SRPK2: variants seen among roughly 807,000 people sequenced by gnomAD.
The protein encoded by SRPK2 is SRSF protein kinase 2.
SRPK2 carries 21 observed loss-of-function variants against 90.8 expected under a neutral mutation model. That is an observed-to-expected ratio of 0.23 (90% CI 0.16 to 0.33). The LOEUF (loss-of-function observed/expected upper bound fraction) is 0.33, where lower values mean the gene tolerates loss of function less well. SRPK2 is among the 10% of genes least tolerant of loss of function. The probability of loss-of-function intolerance (pLI) is 1.00; values close to 1 mark genes in which losing one functional copy is unlikely to be tolerated. For synonymous variants in SRPK2, 288 were observed against 311.1 expected (o/e 0.93, Z 0.78); for missense variants, 620 against 869.0 (o/e 0.71, Z 3.60).
intron 2 of SRPK2, among the ~76,000 whole-genome samples, chr7:105,346,925 T>C (rs1039016651): frequency 1.3e-5 from 2 of 151,808 alleles, no homozygotes; most frequent in Admixed American, 1.3e-4. Context: ...GGGTATCGGT[T>C]TTCTGGGTCC....
At chr7:105,232,282 G>T (rs1226365731) in intron 2 of SRPK2, among the ~76,000 whole-genome samples, 1 of 151,948 alleles carries the variant, frequency 6.6e-6, no homozygotes, top group East Asian at 1.9e-4. Flanking sequence ...CCAACATGGA[G>T]AAATCCGTCT....
chr7:105,386,701 G>C (rs1563321001), intron 2 of SRPK2, among the ~76,000 whole-genome samples: 1 of 152,294 alleles, frequency 6.6e-6, no homozygotes, highest in East Asian at 1.9e-4. Flanking sequence ...TGAGCGACAA[G>C]AGCGAAACTC....
chr7:105,244,641 G>C (rs1801329391), intron 2 of SRPK2: 1 of 786,618 alleles, frequency 1.3e-6, no homozygotes, highest in African/African-American at 1.7e-5. Flanking sequence ...CGCCTTTGGA[G>C]AGCAGCAGCC....
chr7:105,317,160 CTCTT>C (rs1477059329), intron 2 of SRPK2, among the ~76,000 whole-genome samples: 1 of 152,156 alleles, frequency 6.6e-6, no homozygotes, highest in African/African-American at 2.4e-5. Context: ...CATTATTTGC[CTCTT>C]TCTGTGTCAA....
Position 105,203,821 on chromosome 7 carries a change from A to C in SRPK2, c.72-36T>G, listed in dbSNP as rs1324075808. On this transcript the variant is annotated intron_variant, in intron 2 of 15. Transcript: ENST00000393651. ...AGAGAGAAAATTGCTATTTACTTAGAAGTACATCTTGCATTATGGATGCAT... is the reference window on the plus strand; with the variant it reads ...AGAGAGAAAATTGCTATTTACTTAGCAGTACATCTTGCATTATGGATGCAT... The C allele has an allele frequency of 5.2e-6, 8 of 1,551,668 alleles. No individual in the cohort carries two copies. The East Asian group carries it at 2.0e-4, about 38-fold the overall frequency.
intron 2 of SRPK2, among the ~76,000 whole-genome samples, chr7:105,342,354 A>G (rs1371103216): frequency 6.7e-6 from 1 of 149,902 alleles, no homozygotes. Flanking sequence ...TATTAATAAT[A>G]ATAATTAAAT....
chr7:105,300,925 T>C (rs554366147), intron 2 of SRPK2, among the ~76,000 whole-genome samples: 16 of 152,264 alleles, frequency 1.1e-4, no homozygotes, highest in African/African-American at 3.9e-4. Flanking sequence ...GGTGGGACTG[T>C]AAACTAGTTC....
chr7:105,366,705 A>T (rs938303525), intron 2 of SRPK2, among the ~76,000 whole-genome samples: 1 of 152,182 alleles, frequency 6.6e-6, no homozygotes, highest in Admixed American at 6.6e-5. Context: ...GCACCCACAT[A>T]AAAGCTGCAT....
At chr7:105,297,922 A>G (rs1345715843) in intron 2 of SRPK2, among the ~76,000 whole-genome samples, 1 of 152,064 alleles carries the variant, frequency 6.6e-6, no homozygotes, top group Non-Finnish European at 1.5e-5. Flanking sequence ...TTGTGTTTTT[A>G]GTAGAGACGG....
At chr7:105,202,988 T>C (rs1012252922) in intron 3 of SRPK2, among the ~76,000 whole-genome samples, 1 of 152,208 alleles carries the variant, frequency 6.6e-6, no homozygotes, top group Non-Finnish European at 1.5e-5. Context: ...TTAATGTTTT[T>C]ATTGTACTTT....
intron 2 of SRPK2, chr7:105,306,330 T>G (rs1469192471): frequency 5.7e-6 from 2 of 348,010 alleles, no homozygotes; most frequent in East Asian, 7.5e-5. Flanking sequence ...GGATCATCTC[T>G]GAATACCATA....
chr7:105,385,794 T>C (rs1821509144), intron 2 of SRPK2, among the ~76,000 whole-genome samples: 1 of 152,226 alleles, frequency 6.6e-6, no homozygotes, highest in African/African-American at 2.4e-5. Context: ...CTGTAAAATG[T>C]CCGTAATAAC....
rs1033359197 is a variant in SRPK2, at chr7:105,126,406, G to A, written c.1823-66C>T. On this transcript the variant is annotated intron_variant, in intron 14 of 15. Transcript: ENST00000393651. ...CAAAGGGAAGGATGGGATAAAAGAA[G>A]AGGGAAAAATTGAAATTAGTAAAAA... The A allele has an allele frequency of 7.4e-6, 9 of 1,210,068 alleles. No homozygotes were observed. The African/African-American group carries it at 1.1e-4, about 14-fold the overall frequency. 75.0% of individuals were successfully genotyped at this position (1,210,068 alleles called of 1,614,324 possible). A position where few individuals can be genotyped will look rare whatever the true frequency, so the allele number is the denominator to read the frequency against.
At chr7:105,205,642 A>C (rs961742068) in intron 2 of SRPK2, among the ~76,000 whole-genome samples, 2 of 151,560 alleles carry the variant, frequency 1.3e-5, no homozygotes, top group South Asian at 4.2e-4. Flanking sequence ...AAGCCATGTA[A>C]ATGCTCGCTT....
At chr7:105,351,563 G>A (rs563271373) in intron 2 of SRPK2, among the ~76,000 whole-genome samples, 1 of 151,988 alleles carries the variant, frequency 6.6e-6, no homozygotes, top group Non-Finnish European at 1.5e-5. Flanking sequence ...AGCACTTTGG[G>A]TGGCCGAGGC....
intron 7 of SRPK2, among the ~76,000 whole-genome samples, chr7:105,149,114 A>G (rs996349457): frequency 2.6e-5 from 4 of 152,128 alleles, no homozygotes; most frequent in Admixed American, 6.5e-5. Context: ...TGGATTAGTA[A>G]AAGAGGAAAG....
At chr7:105,251,493 T>C (rs1455510186) in intron 2 of SRPK2, among the ~76,000 whole-genome samples, 1 of 152,180 alleles carries the variant, frequency 6.6e-6, no homozygotes, top group Non-Finnish European at 1.5e-5. Context: ...TGTGAGCCAC[T>C]GTACCCTGCC....
At chr7:105,289,840 C>A (rs1373366468) in intron 2 of SRPK2, among the ~76,000 whole-genome samples, 1 of 151,966 alleles carries the variant, frequency 6.6e-6, no homozygotes, top group Non-Finnish European at 1.5e-5. Context: ...TAAGCTTAAT[C>A]ATTTCTTACT....
chr7:105,393,285 C>T (rs954044600), upstream of SRPK2, among the ~76,000 whole-genome samples: 5 of 149,144 alleles, frequency 3.4e-5, no homozygotes, highest in South Asian at 2.1e-4. Context: ...CTTGAGCCAC[C>T]GCGTCCAGCC....
Sources: allele counts gnomAD v4.1 joint callset (sites outside exome capture counted in the v4.1 genomes callset), GRCh38; gene constraint gnomAD v4.1.1; transcripts MANE v1.5; gene names NCBI Gene and HGNC (gene_info 2026-07-23, HGNC 2026-07-21).